The following ADGRL4 variants were observed in gnomAD, a reference collection of about 807,000 sequenced individuals.
ADGRL4 encodes the protein adhesion G protein-coupled receptor L4.
Under a neutral mutation model 74.8 loss-of-function variants are expected in ADGRL4, and 90 were observed. The observed-to-expected ratio is 1.20, with a 90% CI of 1.02 to 1.43. The LOEUF is 1.43. ADGRL4 is among the 40% of genes most tolerant of loss of function. The pLI is 0.00. For synonymous variants in ADGRL4, 311 were observed against 279.2 expected, an observed-to-expected ratio of 1.11 and a Z score of -1.14; for missense variants, 881 against 814.3, an observed-to-expected ratio of 1.08 and a Z score of -1.00.
intron 2 of ADGRL4, among the ~76,000 whole-genome samples, chr1:78,981,414 C>G (rs576132249): frequency 6.6e-6 from 1 of 151,918 alleles, no homozygotes; most frequent in South Asian, 2.1e-4. Flanking sequence ...CCATTTTATT[C>G]CAGAACTGAT....
chr1:78,953,513 A>C, intron 2 of ADGRL4, among the ~76,000 whole-genome samples: 1 of 152,210 alleles, frequency 6.6e-6, no homozygotes, highest in East Asian at 1.9e-4. Context: ...ACGTTATGTC[A>C]CTGAGATAAA....
intron 2 of ADGRL4, among the ~76,000 whole-genome samples, chr1:78,966,214 C>T (rs910232944): frequency 3.3e-5 from 5 of 152,156 alleles, no homozygotes; most frequent in Admixed American, 2.6e-4. Context: ...AGCCTGGCCT[C>T]TCTCTCCTGT....
At chr1:78,947,102 A>G (rs1466502769) in intron 2 of ADGRL4, among the ~76,000 whole-genome samples, 1 of 152,210 alleles carries the variant, frequency 6.6e-6, no homozygotes, top group Admixed American at 6.5e-5. Context: ...AAATAAATTG[A>G]TTGGAAAATA....
intron 12 of ADGRL4, among the ~76,000 whole-genome samples, chr1:78,905,123 T>C (rs1648608500): frequency 6.6e-6 from 1 of 152,058 alleles, no homozygotes; most frequent in African/African-American, 2.4e-5. Context: ...GAGGGAAATA[T>C]TTTCCACTTT....
At chr1:78,975,411 G>T (rs900825891) in intron 2 of ADGRL4, among the ~76,000 whole-genome samples, 10 of 151,990 alleles carry the variant, frequency 6.6e-5, no homozygotes, top group Non-Finnish European at 1.3e-4. Flanking sequence ...AGTGGGAGAT[G>T]CCTTGATATT....
chr1:78,984,230 G>A (rs377492752), intron 2 of ADGRL4, among the ~76,000 whole-genome samples: 11 of 151,514 alleles, frequency 7.3e-5, no homozygotes, highest in African/African-American at 2.7e-4. Flanking sequence ...AATTTGAGGG[G>A]CAAAAACACC....
At chr1:78,929,330 T>C (rs1048242020) in intron 7 of ADGRL4, among the ~76,000 whole-genome samples, 5 of 151,118 alleles carry the variant, frequency 3.3e-5, no homozygotes, top group African/African-American at 4.9e-5. Context: ...GCCTGGGCAA[T>C]ATGGCAAAAC....
chr1:78,970,425 T>C (rs1455079904), intron 2 of ADGRL4, among the ~76,000 whole-genome samples: 3 of 152,194 alleles, frequency 2.0e-5, no homozygotes, highest in Non-Finnish European at 2.9e-5. Context: ...CTACTGATAG[T>C]AGGTGGGATA....
chr1:78,904,727 C>G (rs1044995105), intron 12 of ADGRL4, among the ~76,000 whole-genome samples: 1 of 151,958 alleles, frequency 6.6e-6, no homozygotes, highest in Non-Finnish European at 1.5e-5. Flanking sequence ...TTCATACTTA[C>G]AAGAAGATTA....
chr1:78,892,147 G>A (rs1648291116), intron 13 of ADGRL4, among the ~76,000 whole-genome samples: 1 of 152,108 alleles, frequency 6.6e-6, no homozygotes, highest in African/African-American at 2.4e-5. Flanking sequence ...TACATCAAAG[G>A]AGGCTCTGCT....
chr1:78,955,865 T>A (rs1012121422), intron 2 of ADGRL4, among the ~76,000 whole-genome samples: 8 of 152,096 alleles, frequency 5.3e-5, no homozygotes, highest in Admixed American at 3.9e-4. Context: ...TTAAGACACA[T>A]CATCAGTGCA....
chr1:78,938,122 G>T lies in ADGRL4; in HGVS notation c.554C>A (p.Thr185Asn), dbSNP rs1183486951. ...YKNNTISAKD[T>N]LSNSTLTEFV... is the part of the protein sequence containing the mutation. ...TACAGTAAGAGTTGAGTTAGAAAGG[G>T]TGTCCTTGGCTGAGATAGTGTTGTT... The change falls in exon 5 of 15, where the codon ACC becomes AAC. Residue 185 changes from threonine to asparagine, a missense_variant. Thr to Asn is a moderately conservative substitution (Grantham distance 65). Coordinates refer to ENST00000370742, the MANE Select transcript of ADGRL4 (RefSeq NM_022159.4). 2.5e-6 allele frequency: 4 copies of T among 1,612,768 alleles called. No homozygotes were observed. In the African/African-American group the frequency reaches 4.0e-5, roughly 16 times the overall value.
chr1:78,932,716 G>A (rs1265690819), intron 7 of ADGRL4, among the ~76,000 whole-genome samples: 2 of 150,100 alleles, frequency 1.3e-5, no homozygotes, highest in Non-Finnish European at 3.0e-5. Context: ...GAATCAAATA[G>A]GCACAATAAA....
chr1:78,949,254 C>A (rs924893712), intron 2 of ADGRL4, among the ~76,000 whole-genome samples: 1 of 151,988 alleles, frequency 6.6e-6, no homozygotes, highest in South Asian at 2.1e-4. Context: ...GATTAACTTG[C>A]CAATATGTTG....
intron 2 of ADGRL4, among the ~76,000 whole-genome samples, chr1:78,976,834 G>A (rs1280320871): frequency 6.7e-6 from 1 of 149,918 alleles, no homozygotes; most frequent in Non-Finnish European, 1.5e-5. Flanking sequence ...GGCTTCAATG[G>A]TGAATTTTCC....
At chr1:78,910,752 CTT>C (rs1336885847) in intron 12 of ADGRL4, among the ~76,000 whole-genome samples, 1 of 151,760 alleles carries the variant, frequency 6.6e-6, no homozygotes, top group African/African-American at 2.4e-5. Context: ...TTAGACATCT[CTT>C]TTTTGTACAG....
intron 2 of ADGRL4, among the ~76,000 whole-genome samples, chr1:79,004,678 A>G (rs1439489629): frequency 1.3e-5 from 2 of 152,128 alleles, no homozygotes; most frequent in Admixed American, 1.3e-4. Context: ...GTGGTATCAT[A>G]TACCATATAG....
chr1:78,930,937 T>A (rs1315914701), intron 7 of ADGRL4, among the ~76,000 whole-genome samples: 3 of 151,350 alleles, frequency 2.0e-5, no homozygotes, highest in Admixed American at 2.0e-4. Context: ...TTTGATACAA[T>A]TTTTAAAAAG....
At chr1:78,938,527 A>ATT (rs11451506) in intron 4 of ADGRL4, among the ~76,000 whole-genome samples, 1 of 101,514 alleles carries the variant, frequency 9.9e-6, no homozygotes, top group African/African-American at 3.2e-5. Flanking sequence ...TGAATTAATA[A>ATT]TTTTTTTAAA....
Sources: gnomAD v4.1 joint callset for allele counts (sites outside exome capture counted in the v4.1 genomes callset) on GRCh38, gnomAD v4.1.1 for gene constraint, MANE v1.5 for transcripts, NCBI Gene and HGNC (gene_info 2026-07-23, HGNC 2026-07-21) for gene names.